The following PITPNC1 variants were observed in gnomAD, a reference collection of about 807,000 sequenced individuals.
PITPNC1 encodes the protein phosphatidylinositol transfer protein cytoplasmic 1.
Under a neutral mutation model 44.7 loss-of-function variants are expected in PITPNC1, and 18 were observed. That is an observed-to-expected ratio of 0.40 (90% CI 0.28 to 0.60). The LOEUF is 0.60. PITPNC1 is among the 20% of genes least tolerant of loss of function. The pLI is 0.39. For synonymous variants in PITPNC1, 141 were observed against 149.6 expected (o/e 0.94, Z 0.42); for missense variants, 290 against 418.4 (o/e 0.69, Z 2.68).
At chr17:67,541,384 A>T (rs1207558421) in intron 2 of PITPNC1, among the ~76,000 whole-genome samples, 2 of 152,140 alleles carry the variant, frequency 1.3e-5, no homozygotes, top group African/African-American at 4.8e-5. Flanking sequence ...TAAGTATGGG[A>T]TGAAACACTG....
chr17:67,517,006 C>T (rs1568023080), intron 1 of PITPNC1, among the ~76,000 whole-genome samples: 1 of 152,198 alleles, frequency 6.6e-6, no homozygotes. Context: ...CTACCCCTTG[C>T]ACCCTTTCTG....
At chr17:67,518,669 G>T (rs960977398) in intron 1 of PITPNC1, among the ~76,000 whole-genome samples, 1 of 151,880 alleles carries the variant, frequency 6.6e-6, no homozygotes, top group African/African-American at 2.4e-5. Context: ...ACAAAAAAAG[G>T]AAAATGATGG....
At chr17:67,400,883 T>C (rs2038298425) in intron 1 of PITPNC1, among the ~76,000 whole-genome samples, 1 of 151,854 alleles carries the variant, frequency 6.6e-6, no homozygotes, top group Admixed American at 6.6e-5. Context: ...GCAGAAATTG[T>C]TCGTTACGCT....
At chr17:67,659,941 G>T (rs182199366) in intron 6 of PITPNC1, among the ~76,000 whole-genome samples, 180 of 151,948 alleles carry the variant, frequency 1.2e-3, no homozygotes, top group African/African-American at 4.1e-3. Context: ...GTGCAGTGGC[G>T]CAATCTCAGG....
intron 6 of PITPNC1, among the ~76,000 whole-genome samples, chr17:67,641,496 C>T (rs75040275): frequency 0.051 from 7,757 of 152,072 alleles, 236 homozygotes; most frequent in Middle Eastern, 0.088. Context: ...TTTAGGTGGC[C>T]GGATAATATG....
At chr17:67,610,676 A>G (rs1256778582) in intron 5 of PITPNC1, among the ~76,000 whole-genome samples, 1 of 152,070 alleles carries the variant, frequency 6.6e-6, no homozygotes, top group African/African-American at 2.4e-5. Flanking sequence ...TAATCACAGC[A>G]CTTTGGGAGG....
chr17:67,507,532 A>C (rs1195047653), intron 1 of PITPNC1, among the ~76,000 whole-genome samples: 1 of 151,822 alleles, frequency 6.6e-6, no homozygotes, highest in Non-Finnish European at 1.5e-5. Flanking sequence ...TAAAAATACA[A>C]AAATTAGCCA....
intron 7 of PITPNC1, among the ~76,000 whole-genome samples, chr17:67,671,325 T>G (rs776039466): frequency 6.6e-6 from 1 of 152,220 alleles, no homozygotes; most frequent in Non-Finnish European, 1.5e-5. Context: ...GCTCTCATTT[T>G]CATAAGAATA....
chr17:67,400,710 T>C (rs2038294514), intron 1 of PITPNC1, among the ~76,000 whole-genome samples: 1 of 151,806 alleles, frequency 6.6e-6, no homozygotes, highest in Admixed American at 6.6e-5. Context: ...ATGTGATTCT[T>C]CTTATAGCTG....
Position 67,507,335 on chromosome 17 carries a change from G to C in PITPNC1, c.49-25467G>C, listed in dbSNP as rs543063706. 2.6e-4 allele frequency among the ~76,000 whole-genome samples: 40 copies of C among 152,228 alleles called. No homozygotes were observed. In the South Asian group the frequency reaches 7.9e-3, roughly 30 times the overall value. On this transcript the variant is annotated intron_variant, in intron 1 of 8. Transcript: ENST00000581322. ...TGCAAAAACTTGGGAGAGGAGTTCA[G>C]ATGTTGCTGTGTACGTTGGAGAAAA...
intron 5 of PITPNC1, among the ~76,000 whole-genome samples, chr17:67,629,336 G>A (rs1169558902): frequency 9.3e-5 from 14 of 150,410 alleles, no homozygotes; most frequent in Admixed American, 6.0e-4. Context: ...GCAGTGGCAC[G>A]ATCTCGGCTC....
intron 7 of PITPNC1, among the ~76,000 whole-genome samples, chr17:67,672,060 G>C (rs973046792): frequency 5.3e-5 from 8 of 151,840 alleles, no homozygotes; most frequent in Non-Finnish European, 1.2e-4. Context: ...TGAGCCTCCT[G>C]AGTAGCTGAG....
At chr17:67,648,469 G>A (rs1275209779) in intron 6 of PITPNC1, among the ~76,000 whole-genome samples, 1 of 152,202 alleles carries the variant, frequency 6.6e-6, no homozygotes, top group African/African-American at 2.4e-5. Context: ...TTAAGGTGGG[G>A]TCCTCTCCAG....
intron 6 of PITPNC1, among the ~76,000 whole-genome samples, chr17:67,639,581 G>A (rs1361099413): frequency 6.6e-6 from 1 of 152,194 alleles, no homozygotes; most frequent in Non-Finnish European, 1.5e-5. Context: ...GGCCCCTGAC[G>A]TGGCATAATT....
At chr17:67,582,271 G>A (rs2041245429) in intron 5 of PITPNC1, among the ~76,000 whole-genome samples, 1 of 152,112 alleles carries the variant, frequency 6.6e-6, no homozygotes, top group Non-Finnish European at 1.5e-5. Context: ...GAGTTGCTAA[G>A]GAAAGCAGTG....
At chr17:67,381,260 G>A (rs1002301504) in intron 1 of PITPNC1, among the ~76,000 whole-genome samples, 2 of 149,938 alleles carry the variant, frequency 1.3e-5, no homozygotes, top group Admixed American at 6.6e-5. Context: ...CCTGGGAGGC[G>A]GAGCTTGCAG....
chr17:67,532,736 G>T, intron 1 of PITPNC1, 66 bp from the exon 2 acceptor site: 1 of 1,336,318 alleles, frequency 7.5e-7, no homozygotes, highest in South Asian at 1.4e-5. Flanking sequence ...GCCAAGCTAT[G>T]GTTGGAGGGG....
chr17:67,402,160 T>A (rs537889371), intron 1 of PITPNC1, among the ~76,000 whole-genome samples: 2 of 152,260 alleles, frequency 1.3e-5, no homozygotes, highest in African/African-American at 2.4e-5. Context: ...TGTAAATGAA[T>A]AGGCGTGGCT....
At chr17:67,535,037 G>A (rs1390592915) in intron 2 of PITPNC1, among the ~76,000 whole-genome samples, 3 of 152,248 alleles carry the variant, frequency 2.0e-5, no homozygotes, top group Non-Finnish European at 4.4e-5. Flanking sequence ...CCCGTGTCCT[G>A]ACAGTGAAGG....
Sources: gnomAD v4.1 joint callset for allele counts (sites outside exome capture counted in the v4.1 genomes callset) on GRCh38, gnomAD v4.1.1 for gene constraint, MANE v1.5 for transcripts, NCBI Gene and HGNC (gene_info 2026-07-23, HGNC 2026-07-21) for gene names.